TRAPPC10: variants seen among roughly 807,000 people sequenced by gnomAD.
The protein encoded by TRAPPC10 is trafficking protein particle complex subunit 10, also known as TRAPP 130 kDa subunit.
Under a neutral mutation model 125.5 loss-of-function variants are expected in TRAPPC10, and 23 were observed. The observed-to-expected ratio is 0.18, with a 90% CI of 0.13 to 0.26. The LOEUF (loss-of-function observed/expected upper bound fraction) is 0.26. Ranked by LOEUF, TRAPPC10 falls within the 10% of genes least tolerant of loss-of-function variation. The pLI, the probability that TRAPPC10 is intolerant of heterozygous loss-of-function variation, is 1.00. For missense variants in TRAPPC10, 1,123 were observed against 1,308.4 expected (o/e 0.86, Z 2.19); for synonymous variants, 509 against 518.0 (o/e 0.98, Z 0.24).
rs1281262567 is a variant in TRAPPC10, at chr21:44,084,219, A to G, written c.2336A>G (p.Asp779Gly). 1.2e-6 allele frequency: 2 copies of G among 1,614,084 alleles called. No individual in the cohort carries two copies. The highest frequency in any genetic ancestry group is 1.7e-6 in the Non-Finnish European group (2 of 1,179,992). Residue 779 changes from aspartate (D) to glycine (G), a missense_variant, in exon 15 of 23, where the codon GAC becomes GGC. Coordinates refer to ENST00000291574, the MANE Select transcript of TRAPPC10 (RefSeq NM_003274.5). ...LPHIYPIVQY[D>G]VYSQEPQLHV... ...CACATCTACCCCATTGTGCAGTACGACGTGTACTCACAGGAGCCCCAGCTG... is the reference window on the plus strand; with the variant it reads ...CACATCTACCCCATTGTGCAGTACGGCGTGTACTCACAGGAGCCCCAGCTG...
intron 7 of TRAPPC10, among the ~76,000 whole-genome samples, chr21:44,069,532 C>T (rs1272646367): frequency 6.6e-6 from 1 of 152,160 alleles, no homozygotes; most frequent in South Asian, 2.1e-4. Context: ...GAGATGCTGG[C>T]GCTCATTCAC....
At chr21:44,044,869 T>C (rs557520744) in intron 3 of TRAPPC10, among the ~76,000 whole-genome samples, 2 of 152,238 alleles carry the variant, frequency 1.3e-5, no homozygotes, top group Admixed American at 6.5e-5. Context: ...TTCTGCCATG[T>C]TGGCCAGGCC....
At chr21:44,031,058 C>A (rs551323612) in intron 1 of TRAPPC10, among the ~76,000 whole-genome samples, 9 of 152,244 alleles carry the variant, frequency 5.9e-5, no homozygotes, top group South Asian at 4.1e-4. Context: ...AGATGGGGAC[C>A]GGGCAGTGAG....
rs138763705 is a variant in TRAPPC10, at chr21:44,075,059, A to G, written c.1206A>G (p.Leu402=). The change falls in exon 9 of 23, where the codon CTA becomes CTG. Residue 402 remains leucine (L), a synonymous_variant. Coordinates refer to ENST00000291574, the MANE Select transcript of TRAPPC10 (RefSeq NM_003274.5). The part of the protein sequence containing the change: ...ATEKLKSLGY[L]CGLVSEKGPN... ...AACAGTTAAAGTCCTTGGGCTATCTATGTGGACTTGTGTCAGAGAAAGGAC... is the reference window on the plus strand; with the variant it reads ...AACAGTTAAAGTCCTTGGGCTATCTGTGTGGACTTGTGTCAGAGAAAGGAC... 561 of 1,613,850 alleles carry G rather than the reference A, an allele frequency of 3.5e-4. 7 individuals carry two copies. The Middle Eastern group carries it at 8.6e-3, about 25-fold the overall frequency.
chr21:44,093,733 G>A (rs2038740033), intron 19 of TRAPPC10, among the ~76,000 whole-genome samples: 1 of 152,158 alleles, frequency 6.6e-6, no homozygotes, highest in Non-Finnish European at 1.5e-5. Context: ...ACTCCAGCCT[G>A]GGCGACAAAG....
chr21:44,056,873 G>T (rs1295366160), intron 5 of TRAPPC10, among the ~76,000 whole-genome samples: 4 of 152,128 alleles, frequency 2.6e-5, no homozygotes, highest in Non-Finnish European at 5.9e-5. Context: ...TTTTCTGGTT[G>T]TGACAATTGT....
At chr21:44,050,735 T>C (rs1569168040) in intron 3 of TRAPPC10, among the ~76,000 whole-genome samples, 1 of 152,216 alleles carries the variant, frequency 6.6e-6, no homozygotes, top group Non-Finnish European at 1.5e-5. Flanking sequence ...TACCAGTTGG[T>C]TTTAATCTCA....
intron 7 of TRAPPC10, 151 bp from the exon 8 acceptor site, chr21:44,074,173 C>A: frequency 1.2e-6 from 1 of 852,580 alleles, no homozygotes; most frequent in Non-Finnish European, 1.8e-6. Flanking sequence ...CCCTTTCTCT[C>A]TCCTGTAGCT....
chr21:44,048,797 GTTT>G (rs34892092), intron 3 of TRAPPC10, among the ~76,000 whole-genome samples: 2 of 105,606 alleles, frequency 1.9e-5, no homozygotes, highest in Non-Finnish European at 3.9e-5. Context: ...CCCACCCTGT[GTTT>G]TTTTTTTTTT....
chr21:44,079,641 T>C lies in TRAPPC10; in HGVS notation c.1547T>C (p.Leu516Pro). Residue 516 changes from leucine to proline, a missense_variant, in exon 12 of 23, where the codon CTC becomes CCC. Coordinates refer to ENST00000291574, the MANE Select transcript of TRAPPC10 (RefSeq NM_003274.5). Reference protein sequence around the residue: ...LKNYLAEGWALPITHTRKQLA... With the variant: ...LKNYLAEGWAPPITHTRKQLA... ...AACTACCTGGCTGAGGGCTGGGCAC[T>C]CCCCATCACACACACAAGGAAGCAG... The C allele has an allele frequency of 6.2e-7, 1 of 1,610,762 alleles. No individual in the cohort carries two copies. Among genetic ancestry groups the C allele is most frequent in the Non-Finnish European group, 8.5e-7 (1 of 1,179,252 alleles).
Position 44,089,922 on chromosome 21 carries a change from C to T in TRAPPC10, c.2859C>T (p.Ser953=). 1.2e-6 allele frequency: 2 copies of T among 1,613,490 alleles called. No individual in the cohort carries two copies. The highest frequency in any genetic ancestry group is 1.7e-6 in the Non-Finnish European group (2 of 1,179,540). ...VPFRTTHSLL[S]SGTRKYVQVC... ...TCAGGACCACACACAGCCTCCTGTC[C>T]TCAGGAACACGGTAACGGAGGCGTA... is the stretch of plus-strand genomic sequence containing the variant. Residue 953 remains serine (S), a synonymous_variant, in exon 18 of 23, where the codon TCC becomes TCT. Transcript: ENST00000291574.
chr21:44,094,905 C>T (rs1025900755), intron 20 of TRAPPC10, among the ~76,000 whole-genome samples: 1 of 151,880 alleles, frequency 6.6e-6, no homozygotes, highest in African/African-American at 2.4e-5. Flanking sequence ...TTTCTATCTT[C>T]TTCCATCCAA....
At chr21:44,030,820 G>T (rs1033674794) in intron 1 of TRAPPC10, among the ~76,000 whole-genome samples, 5 of 152,168 alleles carry the variant, frequency 3.3e-5, no homozygotes, top group African/African-American at 1.2e-4. Flanking sequence ...GATAAAAAGT[G>T]ATAAGTTCAA....
chr21:44,052,039 C>T (rs936018729), intron 3 of TRAPPC10, among the ~76,000 whole-genome samples: 3 of 152,222 alleles, frequency 2.0e-5, no homozygotes, highest in Admixed American at 1.3e-4. Context: ...ATCACTGGGA[C>T]GCTCACATCC....
intron 12 of TRAPPC10, 131 bp from the exon 13 acceptor site, chr21:44,079,884 C>A: frequency 1.9e-6 from 2 of 1,066,100 alleles, no homozygotes; most frequent in Middle Eastern, 2.5e-4. Flanking sequence ...TAATTTTGAG[C>A]CCTAGTAACT....
At chr21:44,039,519 G>A (rs1053597516) in intron 3 of TRAPPC10, among the ~76,000 whole-genome samples, 3 of 152,210 alleles carry the variant, frequency 2.0e-5, no homozygotes, top group Admixed American at 6.5e-5. Flanking sequence ...CCATGGTGGC[G>A]TTGCTGCCTC....
intron 1 of TRAPPC10, among the ~76,000 whole-genome samples, chr21:44,021,869 C>T (rs1430778021): frequency 6.6e-6 from 1 of 152,142 alleles, no homozygotes; most frequent in Non-Finnish European, 1.5e-5. Context: ...TAACACAGGC[C>T]TCACCAGAAA....
chr21:44,041,415 T>C (rs533855974), intron 3 of TRAPPC10, among the ~76,000 whole-genome samples: 1 of 152,248 alleles, frequency 6.6e-6, no homozygotes, highest in South Asian at 2.1e-4. Flanking sequence ...TCGCTCTTCT[T>C]GCCCAGGCTG....
chr21:44,063,060 A>C lies in TRAPPC10; in HGVS notation c.791-478A>C. ...CCCTGTCCCTTCCTCCAGGAGCTTG[A>C]CTCAGGGACGTGACGTGGTTGAGTT... is the stretch of plus-strand genomic sequence containing the variant. On this transcript the variant is annotated intron_variant, in intron 6 of 22. Coordinates refer to ENST00000291574, the MANE Select transcript of TRAPPC10 (RefSeq NM_003274.5). This position sits in a 1 kb window ranked among gnomAD's most constrained non-coding sequence, Gnocchi z 4.4. 7.7e-7 allele frequency: 1 copy of C among 1,304,316 alleles called. No individual in the cohort carries two copies. Among genetic ancestry groups the C allele is most frequent in the African/African-American group, 1.5e-5 (1 of 65,944 alleles). The allele number at this position is 1,304,316 out of a possible 1,614,324, so 80.8% of individuals were successfully genotyped here. A position where few individuals can be genotyped will look rare whatever the true frequency, so the allele number is the denominator to read the frequency against.
Sources: gnomAD v4.1 joint callset for allele counts (sites outside exome capture counted in the v4.1 genomes callset) on GRCh38, gnomAD v4.1.1 for gene constraint, Gnocchi (gnomAD v3.1) non-coding constraint, MANE v1.5 for transcripts, NCBI Gene and HGNC (gene_info 2026-07-23, HGNC 2026-07-21) for gene names.